Variants in ANKRD62 observed in about 807,000 individuals in gnomAD.
ANKRD62 encodes ankyrin repeat domain 62.
A neutral mutation model predicts 98.8 loss-of-function variants in ANKRD62; 61 were observed. The ratio of observed to expected loss-of-function variants is 0.62; its 90% CI spans 0.50 to 0.76. ANKRD62 has a LOEUF of 0.76. ANKRD62 is among the 30% of genes least tolerant of loss of function. ANKRD62 has a pLI of 0.00. For missense variants in ANKRD62, 933 were observed against 1,082.9 expected (o/e 0.86, Z 1.94); for synonymous variants, 341 against 367.9 (o/e 0.93, Z 0.84).
intron 10 of ANKRD62, among the ~76,000 whole-genome samples, chr18:12,119,356 T>G (rs1262747685): frequency 6.6e-6 from 1 of 151,712 alleles, no homozygotes; most frequent in Non-Finnish European, 1.5e-5. Context: ...CTTTTTTTTT[T>G]TTTTTTTCTG....
chr18:12,097,752 T>G lies in ANKRD62; in HGVS notation c.727T>G (p.Tyr243Asp). The change falls in exon 5 of 14, where the codon TAC (tyrosine) becomes GAC (aspartate). Residue 243 changes from tyrosine (Y) to aspartate (D), a missense_variant. By Grantham distance (160) the Tyr-to-Asp change is radical. Transcript: ENST00000587848. ...TATATCTGGATGGACTGCAGAAGAC[T>G]ACGCTGTTGCTTCTAAGTTTCAAGC... ...QDISGWTAED[Y>D]AVASKFQAIR... is the part of the protein sequence containing the mutation. 6.5e-7 allele frequency: 1 copy of G among 1,535,726 alleles called. No homozygotes were observed. Among genetic ancestry groups the G allele is most frequent in the Non-Finnish European group, 8.7e-7 (1 of 1,146,594 alleles).
chr18:12,162,078 T>A, the ANKRD62 span, among the ~76,000 whole-genome samples: 4 of 152,022 alleles, frequency 2.6e-5, no homozygotes, highest in Non-Finnish European at 5.9e-5. Context: ...AAGATCTAGT[T>A]TTTTTGAGGA....
rs1341725284 is a variant in ANKRD62, at chr18:12,122,451, A to C, written c.1389A>C (p.Thr463=). 7 of 1,535,220 alleles carry C rather than the reference A, an allele frequency of 4.6e-6. No individual in the cohort carries two copies. Among genetic ancestry groups the C allele is most frequent in the Non-Finnish European group, 6.1e-6 (7 of 1,146,664 alleles). Residue 463 remains threonine (T), a synonymous_variant, in exon 11 of 14, where the codon ACA becomes ACC. Transcript: ENST00000587848. ...TACTACAAAAGGTACTATCTGAAAC[A>C]GACAAAACCAAATCACAGTCAGAGC... ...ISVLQKVLSE[T]DKTKSQSEHQ... is the part of the protein sequence containing the mutation.
chr18:12,163,207 A>G, the ANKRD62 span, among the ~76,000 whole-genome samples: 1 of 151,966 alleles, frequency 6.6e-6, no homozygotes, highest in Non-Finnish European at 1.5e-5. Flanking sequence ...AGTTTTCATT[A>G]TAGAGATCTT....
the ANKRD62 span, among the ~76,000 whole-genome samples, chr18:12,145,941 G>A: frequency 2.0e-5 from 3 of 152,176 alleles, no homozygotes; most frequent in South Asian, 6.2e-4. Context: ...CCTCCCAAAT[G>A]GGGTCTCCAG....
chr18:12,109,776 A>G (rs1434344207), intron 8 of ANKRD62, among the ~76,000 whole-genome samples: 1 of 152,164 alleles, frequency 6.6e-6, no homozygotes, highest in Non-Finnish European at 1.5e-5. Flanking sequence ...AAAGAACCAG[A>G]TAGTAACAAT....
the ANKRD62 span, among the ~76,000 whole-genome samples, chr18:12,136,177 G>A: frequency 1.3e-5 from 2 of 151,368 alleles, no homozygotes; most frequent in African/African-American, 2.4e-5. Flanking sequence ...ATGGTTTTAG[G>A]TCTAACATTT....
At chr18:12,166,968 G>C in the ANKRD62 span, among the ~76,000 whole-genome samples, 9 of 151,778 alleles carry the variant, frequency 5.9e-5, no homozygotes, top group Non-Finnish European at 1.2e-4. Flanking sequence ...GTGAGAACAG[G>C]TGGTGTTTGG....
chr18:12,106,689 A>T (rs909658858), intron 7 of ANKRD62, among the ~76,000 whole-genome samples: 1 of 152,186 alleles, frequency 6.6e-6, no homozygotes, highest in East Asian at 1.9e-4. Context: ...CATTTTCCAG[A>T]ACTCTAAAGT....
At chr18:12,127,578 T>C (rs1909919502) in intron 13 of ANKRD62, among the ~76,000 whole-genome samples, 170 bp from the exon 14 acceptor site, 1 of 152,218 alleles carries the variant, frequency 6.6e-6, no homozygotes, top group Non-Finnish European at 1.5e-5. Flanking sequence ...ACACCTTCTT[T>C]ATCCTTAACT....
At chr18:12,100,482 A>C (rs1468836406) in intron 6 of ANKRD62, among the ~76,000 whole-genome samples, 2 of 152,130 alleles carry the variant, frequency 1.3e-5, no homozygotes, top group Non-Finnish European at 2.9e-5. Context: ...TGCAGTTCAA[A>C]CCTGTGTTGT....
At chr18:12,177,380 C>T in the ANKRD62 span, among the ~76,000 whole-genome samples, 114 of 152,368 alleles carry the variant, frequency 7.5e-4, no homozygotes, top group African/African-American at 2.5e-3. Context: ...CTGAGCTCCG[C>T]GGCTTTGGGG....
chr18:12,099,534 CTT>C, intron 5 of ANKRD62, 79 bp from the exon 6 acceptor site: 1 of 843,444 alleles, frequency 1.2e-6, no homozygotes, highest in Non-Finnish European at 1.7e-6. Flanking sequence ...TTGATATACT[CTT>C]AAGAATTTAA....
At chr18:12,155,629 A>C in the ANKRD62 span, among the ~76,000 whole-genome samples, 1 of 152,008 alleles carries the variant, frequency 6.6e-6, no homozygotes, top group African/African-American at 2.4e-5. Context: ...CCCTTTCTTT[A>C]TTCTCTTTAT....
At chr18:12,103,297 T>G in intron 7 of ANKRD62, 69 bp downstream of exon 7, 1 of 923,262 alleles carries the variant, frequency 1.1e-6, no homozygotes, top group Non-Finnish European at 1.5e-6. Context: ...ATGAAATTAC[T>G]TTTGGACTAG....
downstream of ANKRD62, among the ~76,000 whole-genome samples, chr18:12,134,139 G>T (rs1360815128): frequency 6.6e-6 from 1 of 152,164 alleles, no homozygotes; most frequent in Non-Finnish European, 1.5e-5. Context: ...GTATGTCACT[G>T]CTTTCCTCAG....
chr18:12,170,597 G>A, the ANKRD62 span, among the ~76,000 whole-genome samples: 1 of 152,192 alleles, frequency 6.6e-6, no homozygotes, highest in East Asian at 1.9e-4. Context: ...TGAGAAGAAT[G>A]TATATTCTGT....
chr18:12,176,106 C>T, the ANKRD62 span, among the ~76,000 whole-genome samples: 762 of 151,898 alleles, frequency 5.0e-3, 5 homozygotes, highest in Non-Finnish European at 7.8e-3. Context: ...GCAGAAGAAT[C>T]ACTTGAACCT....
rs1909178561 is a variant in ANKRD62 at position 12,096,186 on chromosome 18, T to C, written c.508-10T>C. 8 of 1,496,166 alleles carry C rather than the reference T, an allele frequency of 5.3e-6. No individual in the cohort carries two copies. The highest frequency in any genetic ancestry group is 7.2e-6 in the Non-Finnish European group (8 of 1,115,838). 92.7% of individuals were successfully genotyped at this position (1,496,166 alleles called of 1,614,324 possible). On this transcript the variant is annotated splice_polypyrimidine_tract_variant and intron_variant, in intron 3 of 13. Coordinates refer to ENST00000587848, the MANE Select transcript of ANKRD62 (RefSeq NM_001277333.2). The stretch of plus-strand genomic sequence containing the variant: ...TTTGTGAATTATAAATTGTTTTTGC[T>C]GTTTTGCAGGATGGACATACATCAC...
Sources: allele counts gnomAD v4.1 joint callset (sites outside exome capture counted in the v4.1 genomes callset), GRCh38; gene constraint gnomAD v4.1.1; transcripts MANE v1.5; gene names NCBI Gene and HGNC (gene_info 2026-07-23, HGNC 2026-07-21).